The following MACROD2 variants were observed in gnomAD, a reference collection of about 807,000 sequenced individuals.
The protein encoded by MACROD2 is mono-ADP ribosylhydrolase 2.
MACROD2 carries 36 observed loss-of-function variants against 70.4 expected under a neutral mutation model. The ratio of observed to expected loss-of-function variants is 0.51; its 90% CI spans 0.39 to 0.68. The LOEUF (loss-of-function observed/expected upper bound fraction) is 0.68. Among genes scored for constraint, MACROD2 ranks in the 30% least tolerant of loss-of-function variants. MACROD2 has a pLI of 0.00. For missense variants in MACROD2, 496 were observed against 538.4 expected (o/e 0.92, Z 0.78); for synonymous variants, 172 against 178.8 (o/e 0.96, Z 0.30).
intron 15 of MACROD2, among the ~76,000 whole-genome samples, chr20:15,989,261 C>A (rs755330283): frequency 6.6e-6 from 1 of 152,120 alleles, no homozygotes; most frequent in Non-Finnish European, 1.5e-5. Flanking sequence ...TGTAGAAAGT[C>A]ACATATTTTA....
chr20:15,194,426 A>C (rs2076592210), intron 5 of MACROD2, among the ~76,000 whole-genome samples: 1 of 152,052 alleles, frequency 6.6e-6, no homozygotes, highest in Non-Finnish European at 1.5e-5. Context: ...TTATTTGTGT[A>C]GCATTATTTT....
chr20:15,192,581 C>T (rs956832260), intron 5 of MACROD2, among the ~76,000 whole-genome samples: 4 of 152,186 alleles, frequency 2.6e-5, no homozygotes, highest in Non-Finnish European at 5.9e-5. Context: ...CAGTGCCAGG[C>T]ATCCTGCTAA....
intron 5 of MACROD2, among the ~76,000 whole-genome samples, chr20:14,730,135 A>G (rs2071577851): frequency 6.6e-6 from 1 of 152,144 alleles, no homozygotes. Flanking sequence ...AGAGATGTGG[A>G]GGGTGTGGTG....
intron 5 of MACROD2, among the ~76,000 whole-genome samples, chr20:15,044,107 ATGG>A (rs1248374786): frequency 6.6e-6 from 1 of 152,144 alleles, no homozygotes; most frequent in Non-Finnish European, 1.5e-5. Flanking sequence ...TCTCCCCTCC[ATGG>A]AGGTTGGAAG....
intron 5 of MACROD2, among the ~76,000 whole-genome samples, chr20:15,050,226 A>G (rs915218390): frequency 5.9e-5 from 9 of 152,192 alleles, no homozygotes; most frequent in African/African-American, 2.2e-4. Context: ...ATCAGAAATC[A>G]AAGTGGAATT....
At chr20:14,735,870 A>G (rs777642711) in intron 5 of MACROD2, among the ~76,000 whole-genome samples, 2 of 152,068 alleles carry the variant, frequency 1.3e-5, no homozygotes, top group South Asian at 4.1e-4. Flanking sequence ...ATAAATAACA[A>G]TAAATAAATA....
At chr20:15,903,485 T>C (rs1433762764) in intron 10 of MACROD2, among the ~76,000 whole-genome samples, 2 of 151,922 alleles carry the variant, frequency 1.3e-5, no homozygotes, top group East Asian at 3.9e-4. Context: ...TGGAGAGGGG[T>C]GGGTTCCGCA....
At chr20:14,172,521 T>G (rs2081231028) in intron 3 of MACROD2, among the ~76,000 whole-genome samples, 1 of 152,094 alleles carries the variant, frequency 6.6e-6, no homozygotes, top group Non-Finnish European at 1.5e-5. Flanking sequence ...GCCAGGCAGG[T>G]CTTAAACTCC....
At chr20:14,534,890 GA>G (rs1371245169) in intron 4 of MACROD2, among the ~76,000 whole-genome samples, 1 of 151,858 alleles carries the variant, frequency 6.6e-6, no homozygotes, top group Non-Finnish European at 1.5e-5. Context: ...TTTTTGAACA[GA>G]AAAATAAAAG....
intron 3 of MACROD2, among the ~76,000 whole-genome samples, chr20:14,447,181 G>A (rs1285231468): frequency 6.6e-6 from 1 of 151,954 alleles, no homozygotes. Flanking sequence ...ACCACACCCA[G>A]CTAATTTTTT....
At chr20:14,432,416 CTTT>C (rs35409599) in intron 3 of MACROD2, among the ~76,000 whole-genome samples, 1 of 140,958 alleles carries the variant, frequency 7.1e-6, no homozygotes, top group African/African-American at 2.6e-5. Flanking sequence ...AAGATAGGCA[CTTT>C]TTTTTTTTTT....
chr20:15,382,505 A>G (rs1365372041), intron 6 of MACROD2, among the ~76,000 whole-genome samples: 1 of 152,222 alleles, frequency 6.6e-6, no homozygotes, highest in Non-Finnish European at 1.5e-5. Context: ...ACACCCAGTA[A>G]ATATTAATTG....
At chr20:15,778,528 C>T (rs2051771068) in intron 8 of MACROD2, among the ~76,000 whole-genome samples, 1 of 152,042 alleles carries the variant, frequency 6.6e-6, no homozygotes, top group Non-Finnish European at 1.5e-5. Context: ...GCAATTTCTG[C>T]TTCACAGATT....
intron 4 of MACROD2, among the ~76,000 whole-genome samples, chr20:14,663,397 A>T (rs1486982016): frequency 1.3e-5 from 2 of 151,868 alleles, no homozygotes; most frequent in South Asian, 2.1e-4. Context: ...TAATATCTGG[A>T]TGATGAAATA....
chr20:15,349,765 A>AAAAC (rs1274310257), intron 6 of MACROD2, among the ~76,000 whole-genome samples: 2 of 151,726 alleles, frequency 1.3e-5, no homozygotes, highest in Non-Finnish European at 2.9e-5. Flanking sequence ...CAAAAAAAAA[A>AAAAC]AAAACACACC....
At chr20:14,441,803 A>G (rs576532144) in intron 3 of MACROD2, among the ~76,000 whole-genome samples, 96 of 152,168 alleles carry the variant, frequency 6.3e-4, no homozygotes, top group Admixed American at 1.3e-4. Context: ...ATGAAGAACC[A>G]AGTTGCTGGT....
chr20:16,038,761 G>C (rs2067268816), intron 15 of MACROD2, among the ~76,000 whole-genome samples: 1 of 151,836 alleles, frequency 6.6e-6, no homozygotes, highest in South Asian at 2.1e-4. Context: ...TGAAATGCCA[G>C]GTAATTTTCG....
intron 2 of MACROD2, among the ~76,000 whole-genome samples, chr20:14,020,124 G>A (rs1272606941): frequency 6.6e-6 from 1 of 152,192 alleles, no homozygotes; most frequent in Non-Finnish European, 1.5e-5. Context: ...ATCTGCACAT[G>A]CTCAGGCTTT....
At chr20:15,990,517 A>G (rs1355871319) in intron 15 of MACROD2, among the ~76,000 whole-genome samples, 4 of 152,172 alleles carry the variant, frequency 2.6e-5, no homozygotes, top group African/African-American at 9.7e-5. Context: ...ATAATTTTTC[A>G]TATCAATTAA....
Sources: gnomAD v4.1 joint callset for allele counts (sites outside exome capture counted in the v4.1 genomes callset) on GRCh38, gnomAD v4.1.1 for gene constraint, MANE v1.5 for transcripts, NCBI Gene and HGNC (gene_info 2026-07-23, HGNC 2026-07-21) for gene names.